GIGYF2: variants seen among roughly 807,000 people sequenced by gnomAD.
GIGYF2 encodes the protein GRB10 interacting GYF protein 2.
Under a neutral mutation model 208.1 loss-of-function variants are expected in GIGYF2, and 25 were observed. The observed-to-expected ratio is 0.12, with a 90% CI of 0.09 to 0.17. The LOEUF is 0.17. Among genes scored for constraint, GIGYF2 ranks in the 10% least tolerant of loss-of-function variants. GIGYF2 has a pLI of 1.00. For missense variants in GIGYF2, 1,302 were observed against 1,579.4 expected (o/e 0.82, Z 2.98); for synonymous variants, 534 against 543.8 (o/e 0.98, Z 0.25).
In GIGYF2 at chr2:232,844,703, A is replaced by G. The variant is rs1559166231; in HGVS notation, c.3305+129A>G. ...TGCTTACCGTTTTCATCTGTGTTCAAGCACATGCAGTCATAATTATGGTGA... is the reference window on the plus strand; with the variant it reads ...TGCTTACCGTTTTCATCTGTGTTCAGGCACATGCAGTCATAATTATGGTGA... On this transcript the variant is annotated intron_variant, in intron 25 of 28. Coordinates refer to ENST00000373563, the MANE Select transcript of GIGYF2 (RefSeq NM_001103146.3). The G allele has an allele frequency of 5.7e-6, 4 of 701,746 alleles. No homozygotes were observed. In the East Asian group the frequency reaches 8.1e-5, roughly 14 times the overall value. 43.5% of individuals were successfully genotyped at this position (701,746 alleles called of 1,614,324 possible).
At chr2:232,741,573 G>C (rs1490780958) in intron 3 of GIGYF2, among the ~76,000 whole-genome samples, 1 of 151,860 alleles carries the variant, frequency 6.6e-6, no homozygotes, top group East Asian at 1.9e-4. Flanking sequence ...CTCCCAAGTA[G>C]CTGGGACTAT....
chr2:232,711,705 G>GTATGTA (rs1553604498), intron 2 of GIGYF2, among the ~76,000 whole-genome samples: 7 of 115,762 alleles, frequency 6.0e-5, no homozygotes, highest in Non-Finnish European at 3.6e-5. Context: ...TCACAATGAT[G>GTATGTA]TATATATATA....
In GIGYF2 at chr2:232,757,249, T is replaced by G. The variant is rs567334652; in HGVS notation, c.379+915T>G. Among the ~76,000 whole-genome samples the G allele has an allele frequency of 9.4e-4, 143 of 152,312 alleles. 1 individual carries two copies. Among genetic ancestry groups the G allele is most frequent in the African/African-American group, 3.3e-3 (137 of 41,558 alleles). On this transcript the variant is annotated intron_variant, in intron 6 of 28. Coordinates refer to ENST00000373563, the MANE Select transcript of GIGYF2 (RefSeq NM_001103146.3). ...TTCTTTTAGTAGTCCACTCAGAATG[T>G]GGGAATCCAGGTGTGAAGTGTCTGA...
At chr2:232,816,419 G>A (rs1291525658) in intron 19 of GIGYF2, among the ~76,000 whole-genome samples, 2 of 152,122 alleles carry the variant, frequency 1.3e-5, no homozygotes, top group East Asian at 1.9e-4. Flanking sequence ...CTGTTAAAAC[G>A]TTATAGCCAC....
chr2:232,726,409 C>T (rs1697206073), intron 2 of GIGYF2, among the ~76,000 whole-genome samples: 2 of 150,136 alleles, frequency 1.3e-5, no homozygotes, highest in South Asian at 2.1e-4. Context: ...GCACACCCTT[C>T]TCCCCACCGC....
chr2:232,748,928 G>C (rs1698245158), intron 4 of GIGYF2, 59 bp from the exon 5 acceptor site: 1 of 817,216 alleles, frequency 1.2e-6, no homozygotes, highest in Non-Finnish European at 2.2e-6. Context: ...TTATCTTCTT[G>C]TATTTCTTCT....
intron 8 of GIGYF2, chr2:232,776,476 A>G (rs1029837066): frequency 1.3e-6 from 2 of 1,568,860 alleles, no homozygotes; most frequent in African/African-American, 2.7e-5. Context: ...CTTTATGCCA[A>G]GGTAGGTCTT....
rs1384587117 is a variant in GIGYF2, at chr2:232,760,266, G to GT, written c.380-207dup. Reference sequence around the variant, plus strand: ...GGGTCTATTGCATTATATTATGTTAGTTTTTTTAACTTGTTTCTTTCAGCC... The same window carrying GT: ...GGGTCTATTGCATTATATTATGTTAGTTTTTTTTAACTTGTTTCTTTCAGCC... On this transcript the variant is annotated intron_variant, in intron 6 of 28. Coordinates refer to ENST00000373563, the MANE Select transcript of GIGYF2 (RefSeq NM_001103146.3). The GT allele has an allele frequency of 1.3e-5, 7 of 529,346 alleles. No individual in the cohort carries two copies. The East Asian group carries it at 1.7e-4, about 13-fold the overall frequency. The allele number at this position is 529,346 out of a possible 1,614,324, so 32.8% of individuals were successfully genotyped here.
At chr2:232,841,439 G>A (rs1344707747) in intron 23 of GIGYF2, among the ~76,000 whole-genome samples, 6 of 150,544 alleles carry the variant, frequency 4.0e-5, no homozygotes, top group Non-Finnish European at 8.8e-5. Flanking sequence ...GGGATTACAG[G>A]CACTTGCCAC....
At chr2:232,761,941 G>T (rs1698755740) in intron 8 of GIGYF2, among the ~76,000 whole-genome samples, 1 of 149,254 alleles carries the variant, frequency 6.7e-6, no homozygotes, top group Non-Finnish European at 1.5e-5. Context: ...ACATAATAAA[G>T]GAACAGGATT....
intron 2 of GIGYF2, among the ~76,000 whole-genome samples, chr2:232,717,316 G>A (rs1696731650): frequency 6.6e-6 from 1 of 152,064 alleles, no homozygotes; most frequent in Non-Finnish European, 1.5e-5. Context: ...CTGTCTCTAA[G>A]AAACAATAAT....
rs141409147 is a variant in GIGYF2 at position 232,776,660 on chromosome 2, A to G, written c.533-10490A>G. The G allele has an allele frequency of 1.5e-4, 86 of 586,684 alleles. 1 individual carries two copies. The highest frequency in any genetic ancestry group is 3.4e-4 in the East Asian group (12 of 35,220). 36.3% of individuals were successfully genotyped at this position (586,684 alleles called of 1,614,324 possible). A position where few individuals can be genotyped will look rare whatever the true frequency, so the allele number is the denominator to read the frequency against. On this transcript the variant is annotated intron_variant, in intron 8 of 28. Coordinates refer to ENST00000373563, the MANE Select transcript of GIGYF2 (RefSeq NM_001103146.3). ...GGTCACTTAGCCTGCAGGGGGGCCA[A>G]TTAGCTCTGATCATGTGGAAAAGAA...
chr2:232,733,354 G>C (rs1697590148), intron 2 of GIGYF2, among the ~76,000 whole-genome samples: 1 of 152,058 alleles, frequency 6.6e-6, no homozygotes, highest in Non-Finnish European at 1.5e-5. Context: ...CAGGGAGTCA[G>C]GGTCAAGTAA....
intron 21 of GIGYF2, among the ~76,000 whole-genome samples, chr2:232,832,273 G>T (rs989353469): frequency 2.0e-5 from 3 of 152,186 alleles, no homozygotes; most frequent in Non-Finnish European, 4.4e-5. Context: ...AATGAGTTCC[G>T]CAGGGCACAA....
At chr2:232,772,706 A>G (rs560592779) in intron 8 of GIGYF2, among the ~76,000 whole-genome samples, 5 of 152,272 alleles carry the variant, frequency 3.3e-5, no homozygotes, top group South Asian at 4.1e-4. Flanking sequence ...CTTGTTTGCT[A>G]CAATTCAGGA....
intron 27 of GIGYF2, among the ~76,000 whole-genome samples, chr2:232,848,744 C>T (rs765315405): frequency 2.6e-5 from 4 of 152,226 alleles, no homozygotes; most frequent in Admixed American, 2.0e-4. Flanking sequence ...AGAACTGTAA[C>T]AAGAAGGCAT....
chr2:232,739,215 G>A (rs559992963), intron 3 of GIGYF2, among the ~76,000 whole-genome samples: 4 of 151,934 alleles, frequency 2.6e-5, no homozygotes, highest in East Asian at 1.9e-4. Flanking sequence ...AAAGTTAGCC[G>A]GGCGTGGTGG....
chr2:232,808,225 A>C (rs1034833201), intron 15 of GIGYF2, among the ~76,000 whole-genome samples: 2 of 152,216 alleles, frequency 1.3e-5, no homozygotes, highest in Non-Finnish European at 2.9e-5. Context: ...TATACTGTGT[A>C]TTGCAGCATG....
Position 232,839,843 on chromosome 2 carries a change from T to C in GIGYF2, c.2767-6T>C. 2 of 1,614,098 alleles carry C rather than the reference T, an allele frequency of 1.2e-6. No individual in the cohort carries two copies. The highest frequency in any genetic ancestry group is 1.7e-6 in the Non-Finnish European group (2 of 1,179,950). On this transcript the variant is annotated splice_polypyrimidine_tract_variant and splice_region_variant and intron_variant, in intron 22 of 28. Transcript: ENST00000373563. ...ATGAACTTTCTGGCCTTCCCTTTTTTGTTAGCTTCCTTCTTCTTCAACGTG... is the reference window on the plus strand; with the variant it reads ...ATGAACTTTCTGGCCTTCCCTTTTTCGTTAGCTTCCTTCTTCTTCAACGTG...
Sources: allele counts gnomAD v4.1 joint callset (sites outside exome capture counted in the v4.1 genomes callset), GRCh38; gene constraint gnomAD v4.1.1; transcripts MANE v1.5; gene names NCBI Gene and HGNC (gene_info 2026-07-23, HGNC 2026-07-21).